SGCZ: variants seen among roughly 807,000 people sequenced by gnomAD.
The protein encoded by SGCZ is sarcoglycan zeta, also known as zeta-sarcoglycan.
In SGCZ, 40 loss-of-function variants were observed where a neutral mutation model predicts 41.3. The ratio of observed to expected loss-of-function variants is 0.97; its 90% confidence interval spans 0.75 to 1.26. SGCZ has a LOEUF of 1.26. SGCZ is among the 50% of genes most tolerant of loss of function. SGCZ has a pLI of 0.00. For synonymous variants in SGCZ, 206 were observed against 137.5 expected (o/e 1.50, Z -3.49); for missense variants, 552 against 369.8 (o/e 1.49, Z -4.04).
chr8:15,026,111 T>G (rs1803447660), intron 1 of SGCZ, among the ~76,000 whole-genome samples: 1 of 151,492 alleles, frequency 6.6e-6, no homozygotes, highest in South Asian at 2.1e-4. Context: ...AGTATTCCAA[T>G]AAGGTTTGTT....
At chr8:14,800,107 T>C (rs944003737) in intron 1 of SGCZ, among the ~76,000 whole-genome samples, 1 of 151,826 alleles carries the variant, frequency 6.6e-6, no homozygotes, top group Non-Finnish European at 1.5e-5. Context: ...AATCTCACCA[T>C]TGAACCAGCA....
At chr8:14,577,818 G>A (rs753320370) in intron 1 of SGCZ, among the ~76,000 whole-genome samples, 1 of 152,098 alleles carries the variant, frequency 6.6e-6, no homozygotes. Context: ...TAATCAATCA[G>A]GCCATGTCTT....
chr8:14,179,111 G>A (rs769187657), intron 4 of SGCZ, among the ~76,000 whole-genome samples: 14 of 152,120 alleles, frequency 9.2e-5, no homozygotes, highest in Admixed American at 7.2e-4. Flanking sequence ...CTGCCAGGGG[G>A]ACACTCTAAA....
At chr8:15,053,453 TCCTGAACTAA>T (rs1275247995) in intron 1 of SGCZ, among the ~76,000 whole-genome samples, 6 of 152,148 alleles carry the variant, frequency 3.9e-5, no homozygotes, top group Non-Finnish European at 7.4e-5. Context: ...CCATGTTACC[TCCTGAACTAA>T]CCTGCAATCC....
intron 2 of SGCZ, among the ~76,000 whole-genome samples, chr8:14,423,694 G>A (rs189141262): frequency 1.3e-5 from 2 of 152,258 alleles, no homozygotes; most frequent in Admixed American, 6.5e-5. Context: ...TATTACAGGC[G>A]TAAGCCACTG....
At chr8:14,099,322 T>A (rs1190027712) in intron 7 of SGCZ, among the ~76,000 whole-genome samples, 1 of 152,232 alleles carries the variant, frequency 6.6e-6, no homozygotes. Flanking sequence ...TCTTCCCTGA[T>A]CTCAATCACA....
chr8:14,697,706 A>G (rs1333674726), intron 1 of SGCZ, among the ~76,000 whole-genome samples: 12 of 151,972 alleles, frequency 7.9e-5, no homozygotes, highest in Admixed American at 7.9e-4. Flanking sequence ...CCTCTTCTCA[A>G]AAAACAATCA....
At chr8:15,087,606 G>A (rs564589239) in intron 1 of SGCZ, among the ~76,000 whole-genome samples, 30 of 152,236 alleles carry the variant, frequency 2.0e-4, no homozygotes, top group Non-Finnish European at 3.1e-4. Flanking sequence ...TTAGACATGG[G>A]TGTACTAAAG....
chr8:14,621,459 G>C (rs1034528210), intron 1 of SGCZ, among the ~76,000 whole-genome samples: 7 of 151,254 alleles, frequency 4.6e-5, no homozygotes, highest in African/African-American at 1.7e-4. Context: ...AAAAAATAAA[G>C]ATTCCTTGGG....
At chr8:14,579,273 G>A (rs1458963533) in intron 1 of SGCZ, among the ~76,000 whole-genome samples, 2 of 152,114 alleles carry the variant, frequency 1.3e-5, no homozygotes, top group East Asian at 3.9e-4. Context: ...AGGAACAAGT[G>A]TGTTTAAATA....
chr8:14,142,193 G>A (rs896901891), intron 5 of SGCZ, among the ~76,000 whole-genome samples: 3 of 152,142 alleles, frequency 2.0e-5, no homozygotes, highest in Non-Finnish European at 2.9e-5. Flanking sequence ...GGGAGGGATA[G>A]CACTGGGAGA....
intron 3 of SGCZ, among the ~76,000 whole-genome samples, chr8:14,290,632 G>T (rs1473126790): frequency 3.3e-5 from 5 of 152,022 alleles, no homozygotes; most frequent in African/African-American, 1.2e-4. Context: ...AAACTTCAAT[G>T]AGATGTCACC....
chr8:14,747,896 T>G (rs1799385352), intron 1 of SGCZ, among the ~76,000 whole-genome samples: 1 of 150,048 alleles, frequency 6.7e-6, no homozygotes, highest in Non-Finnish European at 1.5e-5. Flanking sequence ...TTTTTTTTTT[T>G]TGTATTTTTA....
intron 3 of SGCZ, among the ~76,000 whole-genome samples, chr8:14,300,477 C>T (rs1044571879): frequency 1.3e-5 from 2 of 151,920 alleles, no homozygotes; most frequent in African/African-American, 2.4e-5. Flanking sequence ...CCCAGGTATG[C>T]TACTTACTCT....
intron 3 of SGCZ, among the ~76,000 whole-genome samples, chr8:14,249,172 T>A (rs138125895): frequency 3.3e-5 from 5 of 152,128 alleles, no homozygotes. Flanking sequence ...CTAAATAGAA[T>A]AACAAGGCAG....
In SGCZ at chr8:14,452,487, A is replaced by T. The variant is rs191948027; in HGVS notation, c.234+102245T>A. ...GACAGAGCAAGACTCGATCTCAAAAAAATAATAATAATAATAATAAAATAA... is the reference window on the plus strand; with the variant it reads ...GACAGAGCAAGACTCGATCTCAAAATAATAATAATAATAATAATAAAATAA... On this transcript the variant is annotated intron_variant, in intron 2 of 7. Transcript: ENST00000382080. Among the ~76,000 whole-genome samples the T allele has an allele frequency of 2.4e-3, 365 of 152,028 alleles. 3 individuals carry two copies. The highest frequency in any genetic ancestry group is 7.5e-3 in the African/African-American group (313 of 41,494).
chr8:14,090,529 C>A lies in SGCZ; in HGVS notation c.853G>T (p.Val285Phe). The A allele has an allele frequency of 1.2e-6, 2 of 1,613,022 alleles. No individual in the cohort carries two copies. Among genetic ancestry groups the A allele is most frequent in the Non-Finnish European group, 1.7e-6 (2 of 1,179,416 alleles). Reference sequence around the variant, plus strand: ...AGGTAAAGTTTGCCATTGGGGCAGACGCAGAGTTCATACACTGTCTGTCGA... The same window carrying A: ...AGGTAAAGTTTGCCATTGGGGCAGAAGCAGAGTTCATACACTGTCTGTCGA... ...SSRQTVYELC[V>F]CPNGKLYLSP... is the part of the protein sequence containing the mutation. Residue 285 changes from valine (V) to phenylalanine (F), a missense_variant, in exon 8 of 8, where the codon GTC becomes TTC. Transcript: ENST00000382080.
At chr8:14,356,773 A>T (rs1171381405) in intron 2 of SGCZ, among the ~76,000 whole-genome samples, 1 of 152,088 alleles carries the variant, frequency 6.6e-6, no homozygotes, top group African/African-American at 2.4e-5. Flanking sequence ...AGAAAATACG[A>T]TTGCAAATAA....
At chr8:14,881,317 G>T (rs1306621828) in intron 1 of SGCZ, among the ~76,000 whole-genome samples, 1 of 151,926 alleles carries the variant, frequency 6.6e-6, no homozygotes, top group Non-Finnish European at 1.5e-5. Context: ...CTTTAAAGAG[G>T]CTTTATTTGT....
Sources: gnomAD v4.1 joint callset for allele counts (sites outside exome capture counted in the v4.1 genomes callset) on GRCh38, gnomAD v4.1.1 for gene constraint, MANE v1.5 for transcripts, NCBI Gene and HGNC (gene_info 2026-07-23, HGNC 2026-07-21) for gene names.